ZNF786: variants seen among roughly 807,000 people sequenced by gnomAD.
The protein encoded by ZNF786 is zinc finger protein 786.
Under a neutral mutation model 63.1 loss-of-function variants are expected in ZNF786, and 56 were observed. The observed-to-expected ratio is 0.89, with a 90% CI of 0.72 to 1.11. The LOEUF (loss-of-function observed/expected upper bound fraction) is 1.11, where lower values mean the gene tolerates loss of function less well. Among genes scored for constraint, ZNF786 ranks in the 50% least tolerant of loss-of-function variants. The probability of loss-of-function intolerance (pLI) is 0.00; values close to 1 mark genes in which losing one functional copy is unlikely to be tolerated. For synonymous variants in ZNF786, 485 were observed against 406.9 expected (o/e 1.19, Z -2.31); for missense variants, 1,213 against 1,041.8 (o/e 1.16, Z -2.26).
At chr7:149,075,520 CA>C (rs1192805854) in intron 2 of ZNF786, among the ~76,000 whole-genome samples, 1 of 152,110 alleles carries the variant, frequency 6.6e-6, no homozygotes, top group Non-Finnish European at 1.5e-5. Context: ...GCTGCGATTA[CA>C]GGCATGAGCC....
chr7:149,083,418 C>T (rs1442433901), intron 1 of ZNF786, among the ~76,000 whole-genome samples: 1 of 151,688 alleles, frequency 6.6e-6, no homozygotes, highest in Non-Finnish European at 1.5e-5. Context: ...GGTTTTGGCA[C>T]ATTAGCCAGG....
intron 2 of ZNF786, among the ~76,000 whole-genome samples, chr7:149,075,261 T>G (rs1232055131): frequency 9.2e-5 from 14 of 152,214 alleles, no homozygotes; most frequent in Admixed American, 9.2e-4. Context: ...ACTATTGTTT[T>G]AGATAGGGTC....
At chr7:149,078,986 ATTAAT>A (rs2129515995) in intron 2 of ZNF786, among the ~76,000 whole-genome samples, 1 of 152,346 alleles carries the variant, frequency 6.6e-6, no homozygotes, top group Admixed American at 6.5e-5. Flanking sequence ...TTTCATAGTA[ATTAAT>A]TCTGTCTAAA....
At chr7:149,090,320 T>A (rs1280699725) in intron 1 of ZNF786, among the ~76,000 whole-genome samples, 1 of 152,226 alleles carries the variant, frequency 6.6e-6, no homozygotes, top group Admixed American at 6.5e-5. Flanking sequence ...AACCTTTCTA[T>A]CCTTTCCACC....
chr7:149,072,347 T>C lies in ZNF786; in HGVS notation c.425A>G (p.Gln142Arg), dbSNP rs1369903510. The change falls in exon 4 of 4, where the codon CAG becomes CGG. Residue 142 changes from glutamine (Q) to arginine (R), a missense_variant. Physicochemically the swap from Gln to Arg is conservative, Grantham distance 43 (BLOSUM62 1). Transcript: ENST00000491431. ...TGGAGGAGCCCTGGCGTCGTGTCTC[T>C]GTGGGCTCCCGAGGGTGATGCCTTG... is the stretch of plus-strand genomic sequence containing the variant. ...PDQGITLGSPQRHDARAPPPL... is the reference protein window; with the variant it reads ...PDQGITLGSPRRHDARAPPPL... 1.9e-6 allele frequency: 3 copies of C among 1,613,552 alleles called. No individual in the cohort carries two copies. Among genetic ancestry groups the C allele is most frequent in the Non-Finnish European group, 2.5e-6 (3 of 1,179,742 alleles).
rs1372428714 is a variant in ZNF786 at position 149,072,250 on chromosome 7, A to G, written c.522T>C (p.Pro174=). The change falls in exon 4 of 4, where the codon CCT becomes CCC. Residue 174 remains proline (P), a synonymous_variant. Coordinates refer to ENST00000491431, the MANE Select transcript of ZNF786 (RefSeq NM_152411.4). Reference sequence around the variant, plus strand: ...CCCAGGCGGGGACGTCCCACAAACCAGGAAGATCCAGATTTCTGGGACCTG... The same window carrying G: ...CCCAGGCGGGGACGTCCCACAAACCGGGAAGATCCAGATTTCTGGGACCTG... ...GIPGPRNLDL[P]GLWDVPAWES... 1 of 1,613,518 alleles carries G rather than the reference A, an allele frequency of 6.2e-7. No homozygotes were observed. The highest frequency in any genetic ancestry group is 8.5e-7 in the Non-Finnish European group (1 of 1,179,754).
rs373313909 is a variant in ZNF786 at position 149,071,911 on chromosome 7, G to A, written c.861C>T (p.Arg287=). The A allele has an allele frequency of 1.2e-6, 2 of 1,605,672 alleles. No homozygotes were observed. Among genetic ancestry groups the A allele is most frequent in the Non-Finnish European group, 1.7e-6 (2 of 1,176,986 alleles). Residue 287 remains arginine (R), a synonymous_variant, in exon 4 of 4, where the codon CGC becomes CGT. Coordinates refer to ENST00000491431, the MANE Select transcript of ZNF786 (RefSeq NM_152411.4). ...FRHELTHPSH[R]LPQQGEKPAQ... is the part of the protein sequence containing the mutation. ...CAGGCTTCTCCCCCTGCTGCGGGAG[G>A]CGGTGGCTGGGATGGGTCAGCTCGT...
chr7:149,073,975 T>C (rs1825495176), intron 3 of ZNF786, among the ~76,000 whole-genome samples: 1 of 151,030 alleles, frequency 6.6e-6, no homozygotes, highest in African/African-American at 2.4e-5. Flanking sequence ...GTATTTTTAG[T>C]AGAGTAAGGG....
chr7:149,089,292 T>C (rs1268462267), intron 1 of ZNF786, among the ~76,000 whole-genome samples: 1 of 151,528 alleles, frequency 6.6e-6, no homozygotes, highest in African/African-American at 2.4e-5. Flanking sequence ...TAATTTTGTA[T>C]AGTGTTCCAC....
Position 149,070,227 on chromosome 7 carries a change from A to G in ZNF786, c.*196T>C. ...CTCCATCTTGGAAAAAAAAAAAAAA[A>G]AGAAAGAAATATAATTGGTGATGCT... On this transcript the variant is annotated 3_prime_UTR_variant, in exon 4 of 4. Transcript: ENST00000491431. 1 of 697,372 alleles carries G rather than the reference A, an allele frequency of 1.4e-6. No individual in the cohort carries two copies. The highest frequency in any genetic ancestry group is 2.2e-6 in the Non-Finnish European group (1 of 452,076). The allele number at this position is 697,372 out of a possible 1,614,324, so 43.2% of individuals were successfully genotyped here. A position where few individuals can be genotyped will look rare whatever the true frequency, so the allele number is the denominator to read the frequency against.
chr7:149,088,302 C>T (rs1825769794), intron 1 of ZNF786, among the ~76,000 whole-genome samples: 1 of 151,962 alleles, frequency 6.6e-6, no homozygotes, highest in South Asian at 2.1e-4. Flanking sequence ...CACGCCTGGC[C>T]TGCCCAGGCT....
chr7:149,070,544 T>C lies in ZNF786; in HGVS notation c.2228A>G (p.Tyr743Cys), dbSNP rs1291981450. The change falls in exon 4 of 4, where the codon TAC becomes TGC. Residue 743 changes from tyrosine (Y) to cysteine (C), a missense_variant. Coordinates refer to ENST00000491431, the MANE Select transcript of ZNF786 (RefSeq NM_152411.4). ...ACGDCGKGFI[Y>C]KSKLAEHIRV... ...GATGTGCTCCGCAAGCTTAGACTTG[T>C]AAATGAAGCCCTTCCCACAATCGCC... The C allele has an allele frequency of 1.2e-6, 2 of 1,614,040 alleles. No homozygotes were observed. The highest frequency in any genetic ancestry group is 1.7e-6 in the Non-Finnish European group (2 of 1,179,902).
rs193150485 is a variant in ZNF786 at position 149,081,429 on chromosome 7, C to T, written c.19-712G>A. Reference sequence around the variant, plus strand: ...ACAGCCTGGGCGACAGAGCAAGACTCGGTCTCAAAAAAAAAAAAAAAAAAA... The same window carrying T: ...ACAGCCTGGGCGACAGAGCAAGACTTGGTCTCAAAAAAAAAAAAAAAAAAA... On this transcript the variant is annotated intron_variant, in intron 1 of 3. Coordinates refer to ENST00000491431, the MANE Select transcript of ZNF786 (RefSeq NM_152411.4). 2.9e-3 allele frequency among the ~76,000 whole-genome samples: 301 copies of T among 105,004 alleles called. 2 individuals carry two copies. The highest frequency in any genetic ancestry group is 0.01 in the African/African-American group (265 of 25,616). 68.9% of individuals were successfully genotyped at this position (105,004 alleles called of 152,430 possible). A position where few individuals can be genotyped will look rare whatever the true frequency, so the allele number is the denominator to read the frequency against.
intron 3 of ZNF786, among the ~76,000 whole-genome samples, chr7:149,073,007 C>T (rs973859149): frequency 2.0e-5 from 3 of 152,184 alleles, no homozygotes; most frequent in African/African-American, 7.2e-5. Flanking sequence ...GGAGCCCTGA[C>T]CAATACCACA....
chr7:149,073,760 T>C (rs553726133), intron 3 of ZNF786, among the ~76,000 whole-genome samples: 2,926 of 99,380 alleles, frequency 0.029, 77 homozygotes, highest in Admixed American at 0.045. Context: ...TATATATATA[T>C]ATATATATAT....
intron 1 of ZNF786, among the ~76,000 whole-genome samples, chr7:149,089,554 T>TCAG (rs1485931018): frequency 6.6e-6 from 1 of 152,038 alleles, no homozygotes; most frequent in Non-Finnish European, 1.5e-5. Context: ...TGACGTCAAG[T>TCAG]GATCTGCCCA....
chr7:149,084,780 A>G (rs1825708148), intron 1 of ZNF786, among the ~76,000 whole-genome samples: 1 of 152,148 alleles, frequency 6.6e-6, no homozygotes, highest in Admixed American at 6.6e-5. Context: ...TGCTGCATAG[A>G]AGCTCCTTAG....
intron 2 of ZNF786, among the ~76,000 whole-genome samples, chr7:149,078,814 CTT>C (rs1480777235): frequency 6.6e-6 from 1 of 151,992 alleles, no homozygotes; most frequent in Non-Finnish European, 1.5e-5. Context: ...AACTAATTAT[CTT>C]TATATACTGA....
chr7:149,072,128 C>G lies in ZNF786; in HGVS notation c.644G>C (p.Arg215Pro), dbSNP rs767653565. The part of the protein sequence containing the change: ...HQRGHSKDRT[R>P]RAWEKFNKRA... Reference sequence around the variant, plus strand: ...CTTGTTGAATTTCTCCCAGGCCCTACGTGTCCGGTCCTTTGAGTGGCCTCT... The same window carrying G: ...CTTGTTGAATTTCTCCCAGGCCCTAGGTGTCCGGTCCTTTGAGTGGCCTCT... Residue 215 changes from arginine (R) to proline (P), a missense_variant, in exon 4 of 4, where the codon CGT becomes CCT. Arg to Pro is a moderately radical substitution (Grantham distance 103). Coordinates refer to ENST00000491431, the MANE Select transcript of ZNF786 (RefSeq NM_152411.4). 1.9e-6 allele frequency: 3 copies of G among 1,612,998 alleles called. No homozygotes were observed. In the African/African-American group the frequency reaches 4.0e-5, roughly 22 times the overall value.
Sources: gnomAD v4.1 joint callset for allele counts (sites outside exome capture counted in the v4.1 genomes callset) on GRCh38, gnomAD v4.1.1 for gene constraint, MANE v1.5 for transcripts, NCBI Gene and HGNC (gene_info 2026-07-23, HGNC 2026-07-21) for gene names.